The following SNX25 variants were observed in gnomAD, a reference collection of about 807,000 sequenced individuals.
SNX25 encodes the protein sorting nexin-25.
Under a neutral mutation model 113.7 loss-of-function variants are expected in SNX25, and 62 were observed. The ratio of observed to expected loss-of-function variants is 0.55; its 90% CI spans 0.44 to 0.67. The LOEUF (loss-of-function observed/expected upper bound fraction) is 0.67. Among genes scored for constraint, SNX25 ranks in the 30% least tolerant of loss-of-function variants. SNX25 has a pLI of 0.00. For missense variants in SNX25, 1,014 were observed against 1,161.0 expected (o/e 0.87, Z 1.84); for synonymous variants, 421 against 436.2 (o/e 0.97, Z 0.43).
chr4:185,283,809 A>G (rs1231870518), intron 5 of SNX25, among the ~76,000 whole-genome samples: 1 of 152,188 alleles, frequency 6.6e-6, no homozygotes, highest in Admixed American at 6.5e-5. Context: ...GATAATGTAA[A>G]TTAAAATATC....
intron 1 of SNX25, among the ~76,000 whole-genome samples, chr4:185,229,088 A>G (rs1241146697): frequency 2.0e-5 from 3 of 152,170 alleles, no homozygotes; most frequent in Non-Finnish European, 2.9e-5. Flanking sequence ...GCCATGAAAG[A>G]CTAGCAACGC....
intron 6 of SNX25, among the ~76,000 whole-genome samples, chr4:185,308,873 T>G (rs1560994654): frequency 6.6e-6 from 1 of 152,168 alleles, no homozygotes; most frequent in Non-Finnish European, 1.5e-5. Flanking sequence ...ACTCTAGACC[T>G]TCTCTCTCCA....
chr4:185,286,619 C>T (rs1442311851), intron 5 of SNX25, among the ~76,000 whole-genome samples: 1 of 152,214 alleles, frequency 6.6e-6, no homozygotes, highest in Non-Finnish European at 1.5e-5. Context: ...ACCTGGCCAT[C>T]TCTGACTGCT....
At chr4:185,338,431 AC>A (rs1440306485) in intron 10 of SNX25, among the ~76,000 whole-genome samples, 1 of 150,792 alleles carries the variant, frequency 6.6e-6, no homozygotes, top group Non-Finnish European at 1.5e-5. Flanking sequence ...GCCGCCCCCA[AC>A]CCCCTCCACC....
chr4:185,302,105 T>G (rs1355442946), intron 6 of SNX25, among the ~76,000 whole-genome samples: 1 of 149,892 alleles, frequency 6.7e-6, no homozygotes, highest in African/African-American at 2.4e-5. Context: ...TTTTTGTTTT[T>G]TTTTTTTTTT....
intron 7 of SNX25, among the ~76,000 whole-genome samples, chr4:185,319,090 TA>T (rs200297021): frequency 0.49 from 69,647 of 140,968 alleles, 17,162 homozygotes; most frequent in African/African-American, 0.6. Context: ...TATTTTATTT[TA>T]TTTTTTTTAT....
At chr4:185,378,324 A>G in the SNX25 span, 1 of 1,455,468 alleles carries the variant, frequency 6.9e-7, no homozygotes, top group Non-Finnish European at 9.0e-7. Context: ...CATCGCCTAG[A>G]TAGAACACCA....
intron 2 of SNX25, among the ~76,000 whole-genome samples, chr4:185,256,624 C>CTT (rs35160292): frequency 2.6e-3 from 290 of 112,532 alleles, no homozygotes; most frequent in East Asian, 3.3e-3. Context: ...ACCTAAATTT[C>CTT]TTTTTTTTTT....
intron 1 of SNX25, among the ~76,000 whole-genome samples, chr4:185,230,230 G>A (rs1741632321): frequency 6.6e-6 from 1 of 152,128 alleles, no homozygotes; most frequent in African/African-American, 2.4e-5. Context: ...ATAAAATTCT[G>A]TAGAGAAAGA....
chr4:185,344,231 A>G (rs1269670278), intron 12 of SNX25, among the ~76,000 whole-genome samples: 3 of 152,088 alleles, frequency 2.0e-5, no homozygotes, highest in Non-Finnish European at 4.4e-5. Flanking sequence ...AAAAAATAAA[A>G]ATAAAAATTT....
intron 2 of SNX25, among the ~76,000 whole-genome samples, chr4:185,257,529 TA>T (rs1395485533): frequency 2.0e-5 from 3 of 152,230 alleles, no homozygotes; most frequent in Non-Finnish European, 2.9e-5. Context: ...CAAAGTATTT[TA>T]TTTCAAAAAC....
At chr4:185,212,511 T>C (rs1346616520) in intron 1 of SNX25, among the ~76,000 whole-genome samples, 3 of 148,904 alleles carry the variant, frequency 2.0e-5, no homozygotes, top group African/African-American at 7.4e-5. Flanking sequence ...TTTTTTGCTT[T>C]GAGACAGGGT....
rs141135542 is a variant in SNX25, at chr4:185,254,111, C to A, written c.515-4737C>A. On this transcript the variant is annotated intron_variant, in intron 2 of 18. Coordinates refer to ENST00000652585, the MANE Select transcript of SNX25 (RefSeq NM_001378034.2). ...GGTGGCACAGAGGAAGCAAGGCTCG[C>A]ATGACTTTTCCCACCCTTTAGAAAG... Among the ~76,000 whole-genome samples, 637 of 152,256 alleles carry A rather than the reference C, an allele frequency of 4.2e-3. 10 individuals carry two copies. Among genetic ancestry groups the A allele is most frequent in the African/African-American group, 0.015 (609 of 41,550 alleles).
At chr4:185,339,096 T>C (rs1044132178) in intron 10 of SNX25, among the ~76,000 whole-genome samples, 2 of 152,214 alleles carry the variant, frequency 1.3e-5, no homozygotes, top group African/African-American at 4.8e-5. Context: ...AATCCATGAA[T>C]ATGGGATGTC....
At chr4:185,378,220 A>C in the SNX25 span, 38 of 1,604,532 alleles carry the variant, frequency 2.4e-5, no homozygotes, top group Non-Finnish European at 5.9e-6. Context: ...ATAAGCAAGA[A>C]GAAAAAATAA....
intron 1 of SNX25, among the ~76,000 whole-genome samples, chr4:185,228,180 GAA>G (rs1741294684): frequency 6.6e-6 from 1 of 152,184 alleles, no homozygotes; most frequent in Non-Finnish European, 1.5e-5. Flanking sequence ...GGCCAGAAGA[GAA>G]AGTGGTACCT....
rs186492721 is a variant in SNX25 at position 185,297,669 on chromosome 4, G to C, written c.1162+9587G>C. On this transcript the variant is annotated intron_variant, in intron 6 of 18. Transcript: ENST00000652585. ...CAAGATCAAGGTACTGGCAGATTTG[G>C]TGTCTGATGAGGGCCCTCTTGCTGG... 2.8e-3 allele frequency among the ~76,000 whole-genome samples: 433 copies of C among 152,264 alleles called. 1 individual carries two copies. The highest frequency in any genetic ancestry group is 9.4e-3 in the African/African-American group (392 of 41,558).
intron 16 of SNX25, among the ~76,000 whole-genome samples, chr4:185,358,087 C>T (rs1338550794): frequency 6.6e-6 from 1 of 152,178 alleles, no homozygotes; most frequent in Non-Finnish European, 1.5e-5. Context: ...GTTTAAGGTT[C>T]AGACTCTAAG....
chr4:185,300,650 C>T (rs531239735), intron 6 of SNX25, among the ~76,000 whole-genome samples: 54 of 152,106 alleles, frequency 3.6e-4, no homozygotes, highest in African/African-American at 1.3e-3. Flanking sequence ...AACAATTCCA[C>T]ATTTATGAAT....
Sources: gnomAD v4.1 joint callset for allele counts (sites outside exome capture counted in the v4.1 genomes callset) on GRCh38, gnomAD v4.1.1 for gene constraint, MANE v1.5 for transcripts, NCBI Gene and HGNC (gene_info 2026-07-23, HGNC 2026-07-21) for gene names.